The following NLGN1 variants were observed in gnomAD, a reference collection of about 807,000 sequenced individuals.
NLGN1 encodes neuroligin-1.
In NLGN1, 12 loss-of-function variants were observed where a neutral mutation model predicts 65.5. The ratio of observed to expected loss-of-function variants is 0.18; its 90% CI spans 0.12 to 0.30. The LOEUF (loss-of-function observed/expected upper bound fraction) is 0.30, where lower values mean the gene tolerates loss of function less well. Among genes scored for constraint, NLGN1 ranks in the 10% least tolerant of loss-of-function variants. NLGN1 has a pLI of 1.00. For missense variants in NLGN1, 750 were observed against 1,007.1 expected, an observed-to-expected ratio of 0.74 and a Z score of 3.46; for synonymous variants, 350 against 359.5, an observed-to-expected ratio of 0.97 and a Z score of 0.30.
intron 2 of NLGN1, among the ~76,000 whole-genome samples, chr3:173,448,795 G>A (rs1720892541): frequency 6.6e-6 from 1 of 151,946 alleles, no homozygotes; most frequent in South Asian, 2.1e-4. Context: ...TCTTGGGAGG[G>A]TGTATGTGTC....
chr3:173,829,815 C>T (rs1008979565), intron 4 of NLGN1, among the ~76,000 whole-genome samples: 1 of 152,030 alleles, frequency 6.6e-6, no homozygotes, highest in African/African-American at 2.4e-5. Flanking sequence ...CCTTGCCTTC[C>T]AAAAGTTGAT....
At chr3:174,209,727 GGTTC>G (rs1298616963) in intron 4 of NLGN1, among the ~76,000 whole-genome samples, 1 of 146,280 alleles carries the variant, frequency 6.8e-6, no homozygotes, top group Admixed American at 6.9e-5. Context: ...CCACCTCCTG[GGTTC>G]AAGTGATTCT....
chr3:174,109,914 T>C lies in NLGN1; in HGVS notation c.647-165401T>C, dbSNP rs562647790. Among the ~76,000 whole-genome samples the C allele has an allele frequency of 9.9e-4, 151 of 152,214 alleles. 1 individual carries two copies. The South Asian group carries it at 0.012, about 12-fold the overall frequency. On this transcript the variant is annotated intron_variant, in intron 4 of 6. Coordinates refer to ENST00000457714, the Ensembl canonical transcript of NLGN1. The stretch of plus-strand genomic sequence containing the variant: ...ACATGTTCCTCAACTATGTCTGGTA[T>C]GGTCAATTGAAAAGGAGCCAATGCA...
At chr3:174,265,787 A>G (rs1416001862) in intron 4 of NLGN1, among the ~76,000 whole-genome samples, 6 of 142,566 alleles carry the variant, frequency 4.2e-5, no homozygotes, top group South Asian at 4.4e-4. Flanking sequence ...ATATATGTAT[A>G]TATATATATA....
chr3:174,091,510 A>G (rs561059041), intron 4 of NLGN1, among the ~76,000 whole-genome samples: 1 of 152,342 alleles, frequency 6.6e-6, no homozygotes, highest in Admixed American at 6.5e-5. Context: ...GCTGCTTCCA[A>G]AATAGATCCA....
At chr3:173,667,212 C>T (rs1761821690) in intron 3 of NLGN1, among the ~76,000 whole-genome samples, 1 of 148,306 alleles carries the variant, frequency 6.7e-6, no homozygotes, top group Admixed American at 6.8e-5. Flanking sequence ...ATTTTTCAAA[C>T]ATTGCCATAA....
rs1261880811 is a variant in NLGN1, at chr3:174,055,394, T to A, written c.647-219921T>A. ...TTGGCAGGCATAGGAAGGAACAACATATTTTAGGCTGCAGAAAAGGCAAAG... is the reference window on the plus strand; with the variant it reads ...TTGGCAGGCATAGGAAGGAACAACAAATTTTAGGCTGCAGAAAAGGCAAAG... On this transcript the variant is annotated intron_variant, in intron 4 of 6. Coordinates refer to ENST00000457714, the Ensembl canonical transcript of NLGN1. Among the ~76,000 whole-genome samples the A allele has an allele frequency of 3.0e-4, 45 of 151,894 alleles. 1 individual carries two copies. Among genetic ancestry groups the A allele is most frequent in the Admixed American group, 2.9e-3 (44 of 15,210 alleles).
At chr3:173,924,632 A>T (rs1742681406) in intron 4 of NLGN1, among the ~76,000 whole-genome samples, 1 of 151,990 alleles carries the variant, frequency 6.6e-6, no homozygotes, top group South Asian at 2.1e-4. Context: ...CAAAAAAAAA[A>T]ATAAAAATAA....
At chr3:173,958,267 C>T (rs956383848) in intron 4 of NLGN1, among the ~76,000 whole-genome samples, 16 of 152,176 alleles carry the variant, frequency 1.1e-4, no homozygotes, top group East Asian at 1.9e-4. Flanking sequence ...TCTGACATCC[C>T]GGAAAAACGA....
chr3:174,183,700 A>T (rs1419608398), intron 4 of NLGN1, among the ~76,000 whole-genome samples: 2 of 152,230 alleles, frequency 1.3e-5, no homozygotes, highest in Non-Finnish European at 2.9e-5. Flanking sequence ...GTGCACACAT[A>T]CACAACATTC....
chr3:173,404,791 C>A (rs1028925180), intron 1 of NLGN1, among the ~76,000 whole-genome samples: 9 of 152,066 alleles, frequency 5.9e-5, no homozygotes, highest in Non-Finnish European at 1.3e-4. Context: ...GTTCCTGAAA[C>A]CTCTGCTAGG....
chr3:173,727,549 G>T (rs2150036407), intron 3 of NLGN1, among the ~76,000 whole-genome samples: 2 of 152,096 alleles, frequency 1.3e-5, no homozygotes, highest in East Asian at 1.9e-4. Flanking sequence ...CTCACCATTT[G>T]CTGGGCATTT....
intron 2 of NLGN1, among the ~76,000 whole-genome samples, chr3:173,464,505 G>A (rs1021100300): frequency 1.7e-4 from 25 of 143,308 alleles, no homozygotes; most frequent in South Asian, 4.4e-4. Context: ...GCGCAATCTC[G>A]GCTCACTGTC....
At chr3:174,093,291 T>C (rs1744878077) in intron 4 of NLGN1, among the ~76,000 whole-genome samples, 1 of 152,226 alleles carries the variant, frequency 6.6e-6, no homozygotes, top group African/African-American at 2.4e-5. Flanking sequence ...AATTCTGTTA[T>C]GGCTAAATAA....
At chr3:174,254,306 ATTTTTT>A (rs371427726) in intron 4 of NLGN1, among the ~76,000 whole-genome samples, 336 of 113,784 alleles carry the variant, frequency 3.0e-3, no homozygotes, top group African/African-American at 4.7e-3. Context: ...GTCCTTTTTA[ATTTTTT>A]TTTTTTTTTT....
intron 3 of NLGN1, chr3:173,685,937 A>C: frequency 1.2e-5 from 5 of 419,088 alleles, no homozygotes; most frequent in Non-Finnish European, 1.6e-5. Flanking sequence ...ATGTGGGAGT[A>C]CGTGGACTAT....
intron 4 of NLGN1, among the ~76,000 whole-genome samples, chr3:173,843,921 A>T (rs2150693609): frequency 6.6e-6 from 1 of 152,320 alleles, no homozygotes; most frequent in Non-Finnish European, 1.5e-5. Flanking sequence ...CATGCTGCTG[A>T]TAAAGACATA....
chr3:173,748,285 C>G (rs1409246107), intron 3 of NLGN1, among the ~76,000 whole-genome samples: 2 of 152,114 alleles, frequency 1.3e-5, no homozygotes, highest in Non-Finnish European at 2.9e-5. Flanking sequence ...TAGATTTACT[C>G]TTGCTGCTGA....
In NLGN1 at chr3:174,260,155, G is replaced by A. The variant is rs1412847675; in HGVS notation, c.647-15160G>A. ...TGCCGCAATAAACATACGTGTGCAT[G>A]TGTCTTTATAGCAGCATGATTTATA... On this transcript the variant is annotated intron_variant, in intron 4 of 6. Coordinates refer to ENST00000457714, the Ensembl canonical transcript of NLGN1. Among the ~76,000 whole-genome samples, 5 of 151,684 alleles carry A rather than the reference G, an allele frequency of 3.3e-5. No individual in the cohort carries two copies. In the East Asian group the frequency reaches 9.8e-4, roughly 30 times the overall value.
Sources: gnomAD v4.1 joint callset for allele counts (sites outside exome capture counted in the v4.1 genomes callset) on GRCh38, gnomAD v4.1.1 for gene constraint, MANE v1.5 for transcripts, NCBI Gene and HGNC (gene_info 2026-07-23, HGNC 2026-07-21) for gene names.